Variants in FUT9 observed in about 807,000 individuals in gnomAD.
FUT9 encodes 4-galactosyl-N-acetylglucosaminide 3-alpha-L-fucosyltransferase 9.
Under a neutral mutation model 29.7 loss-of-function variants are expected in FUT9, and 15 were observed. That is an observed-to-expected ratio of 0.51 (90% CI 0.34 to 0.78). FUT9 has a LOEUF of 0.78. Ranked by LOEUF, FUT9 falls within the 30% of genes least tolerant of loss-of-function variation. The pLI, the probability that FUT9 is intolerant of heterozygous loss-of-function variation, is 0.01. For synonymous variants in FUT9, 169 were observed against 153.7 expected, an observed-to-expected ratio of 1.10 and a Z score of -0.74; for missense variants, 319 against 425.4, an observed-to-expected ratio of 0.75 and a Z score of 2.20.
chr6:96,169,196 T>C lies in FUT9; in HGVS notation c.-8-33952T>C, dbSNP rs1001204241. Among the ~76,000 whole-genome samples, 5 of 152,216 alleles carry C rather than the reference T, an allele frequency of 3.3e-5. No individual in the cohort carries two copies. The South Asian group carries it at 6.2e-4, about 19-fold the overall frequency. ...ACTAATCTGCTGATGGGCAATTTAA[T>C]ATTGCCTACAGAAATTCTGATGAAT... On this transcript the variant is annotated intron_variant, in intron 2 of 2. Coordinates refer to ENST00000302103, the MANE Select transcript of FUT9 (RefSeq NM_006581.4).
rs1367092926 is a variant in FUT9 at position 96,203,338 on chromosome 6, T to G, written c.183T>G (p.Phe61Leu). 6.2e-7 allele frequency: 1 copy of G among 1,613,934 alleles called. No individual in the cohort carries two copies. The highest frequency in any genetic ancestry group is 1.1e-5 in the South Asian group (1 of 91,076). The stretch of plus-strand genomic sequence containing the variant: ...TCTTTTCCACCAAAACTGATTATTT[T>G]AATGAAACTACTATTCTGGTGTGGG... ...KNFFSTKTDY[F>L]NETTILVWVW... is the part of the protein sequence containing the mutation. Residue 61 changes from phenylalanine (F) to leucine (L), a missense_variant, in exon 3 of 3, where the codon TTT (phenylalanine) becomes TTG (leucine). By Grantham distance (22) the Phe-to-Leu change is conservative. Transcript: ENST00000302103.
chr6:96,142,788 A>G (rs1193490508), intron 2 of FUT9, among the ~76,000 whole-genome samples: 1 of 152,188 alleles, frequency 6.6e-6, no homozygotes, highest in Non-Finnish European at 1.5e-5. Context: ...GTATTTATAT[A>G]CAAACACTTT....
At chr6:96,147,100 G>C (rs952399558) in intron 2 of FUT9, among the ~76,000 whole-genome samples, 1 of 151,326 alleles carries the variant, frequency 6.6e-6, no homozygotes, top group African/African-American at 2.4e-5. Context: ...CCCCCTTTTT[G>C]TCATCCAATA....
chr6:96,048,344 G>A (rs1329724839), intron 1 of FUT9, among the ~76,000 whole-genome samples: 1 of 152,070 alleles, frequency 6.6e-6, no homozygotes. Flanking sequence ...TGTCAGAGTG[G>A]GTAAGTGGAA....
chr6:96,149,232 T>C (rs1270432912), intron 2 of FUT9, among the ~76,000 whole-genome samples: 1 of 152,034 alleles, frequency 6.6e-6, no homozygotes, highest in African/African-American at 2.4e-5. Flanking sequence ...CAGTATTCCA[T>C]GCAATTTTGT....
chr6:96,025,474 T>C (rs1770151513), intron 1 of FUT9, among the ~76,000 whole-genome samples: 2 of 151,772 alleles, frequency 1.3e-5, no homozygotes, highest in South Asian at 4.1e-4. Flanking sequence ...ATATTTATCT[T>C]CCTGAAATTT....
At position 96,208,471 on chromosome 6, in the gene FUT9, G is replaced by A; in HGVS notation, c.*4236G>A. ...GGATAAGCACAGTGCCTAATGTACA[G>A]GAGGGTCATATCAAATACTTGTTGA... On this transcript the variant is annotated 3_prime_UTR_variant, in exon 3 of 3. Coordinates refer to ENST00000302103, the MANE Select transcript of FUT9 (RefSeq NM_006581.4). The A allele has an allele frequency of 6.0e-6, 1 of 166,856 alleles. No individual in the cohort carries two copies. 10.3% of individuals were successfully genotyped at this position (166,856 alleles called of 1,614,324 possible). A position where few individuals can be genotyped will look rare whatever the true frequency, so the allele number is the denominator to read the frequency against.
intron 1 of FUT9, among the ~76,000 whole-genome samples, chr6:96,110,655 G>A (rs187703602): frequency 0.011 from 1,617 of 148,348 alleles, 19 homozygotes; most frequent in South Asian, 0.057. Flanking sequence ...AAGAATGCCT[G>A]AAGGCTTTTT....
At chr6:96,170,109 G>A (rs1181760035) in intron 2 of FUT9, among the ~76,000 whole-genome samples, 1 of 152,240 alleles carries the variant, frequency 6.6e-6, no homozygotes, top group East Asian at 1.9e-4. Context: ...ATATTTCAGA[G>A]AAGGAAATGT....
chr6:96,024,857 G>C (rs1207593192), intron 1 of FUT9, among the ~76,000 whole-genome samples: 2 of 151,802 alleles, frequency 1.3e-5, no homozygotes, highest in Non-Finnish European at 2.9e-5. Context: ...TGCCTCATCT[G>C]TGGTTTTCCA....
intron 2 of FUT9, among the ~76,000 whole-genome samples, chr6:96,146,332 C>T (rs1420197726): frequency 6.6e-6 from 1 of 152,144 alleles, no homozygotes; most frequent in Non-Finnish European, 1.5e-5. Flanking sequence ...TTTCTATCTA[C>T]TTTATAATTT....
chr6:96,079,518 A>G (rs1199512665), intron 1 of FUT9, among the ~76,000 whole-genome samples: 1 of 152,164 alleles, frequency 6.6e-6, no homozygotes, highest in Non-Finnish European at 1.5e-5. Flanking sequence ...TCATTTTGGT[A>G]AGGTTGTTGA....
intron 2 of FUT9, among the ~76,000 whole-genome samples, chr6:96,115,890 T>C (rs1288383070): frequency 6.6e-6 from 1 of 152,170 alleles, no homozygotes; most frequent in African/African-American, 2.4e-5. Flanking sequence ...TTTGCTTCCA[T>C]GTACTTGCTT....
chr6:96,034,556 A>C (rs1041965081), intron 1 of FUT9, among the ~76,000 whole-genome samples: 1 of 151,772 alleles, frequency 6.6e-6, no homozygotes, highest in Non-Finnish European at 1.5e-5. Flanking sequence ...ACTAGTGTGT[A>C]AATATTTCAG....
intron 1 of FUT9, among the ~76,000 whole-genome samples, chr6:96,069,287 C>A (rs1340337685): frequency 6.6e-6 from 1 of 150,906 alleles, no homozygotes; most frequent in Non-Finnish European, 1.5e-5. Context: ...CGCCACTGAA[C>A]TCCAGCCTGG....
intron 1 of FUT9, among the ~76,000 whole-genome samples, chr6:96,079,792 A>G (rs1009741319): frequency 6.6e-6 from 1 of 152,150 alleles, no homozygotes; most frequent in Admixed American, 6.6e-5. Flanking sequence ...GAACTCTACT[A>G]CAATGTTAGC....
intron 1 of FUT9, among the ~76,000 whole-genome samples, chr6:96,092,749 T>C (rs1771431907): frequency 6.6e-6 from 1 of 152,120 alleles, no homozygotes. Context: ...GTCATTTTTC[T>C]TTATAACATT....
At chr6:96,054,691 T>C (rs1055949471) in intron 1 of FUT9, among the ~76,000 whole-genome samples, 2 of 152,186 alleles carry the variant, frequency 1.3e-5, no homozygotes, top group Non-Finnish European at 2.9e-5. Flanking sequence ...AATATTGATA[T>C]CAGCACATGG....
At chr6:96,076,924 T>C (rs919998933) in intron 1 of FUT9, among the ~76,000 whole-genome samples, 4 of 152,172 alleles carry the variant, frequency 2.6e-5, no homozygotes, top group African/African-American at 9.6e-5. Flanking sequence ...TGATTATTAG[T>C]TCACTGATGG....
Sources: allele counts gnomAD v4.1 joint callset (sites outside exome capture counted in the v4.1 genomes callset), GRCh38; gene constraint gnomAD v4.1.1; transcripts MANE v1.5; gene names NCBI Gene and HGNC (gene_info 2026-07-23, HGNC 2026-07-21).